DENND1A: variants seen among roughly 807,000 people sequenced by gnomAD.
DENND1A encodes DENN domain containing 1A.
DENND1A carries 51 observed loss-of-function variants against 113.7 expected under a neutral mutation model. That is an observed-to-expected ratio of 0.45 (90% CI 0.36 to 0.57). The LOEUF is 0.57. Among genes scored for constraint, DENND1A ranks in the 20% least tolerant of loss-of-function variants. The pLI is 0.00. For missense variants in DENND1A, 1,258 were observed against 1,395.9 expected (o/e 0.90, Z 1.57); for synonymous variants, 565 against 570.8 (o/e 0.99, Z 0.14).
At chr9:123,545,345 G>A (rs1171376457) in intron 13 of DENND1A, among the ~76,000 whole-genome samples, 3 of 151,984 alleles carry the variant, frequency 2.0e-5, no homozygotes, top group African/African-American at 7.3e-5. Flanking sequence ...CTGAGGGTGG[G>A]GATGAAATCA....
At chr9:123,802,371 T>C (rs1175557606) in intron 2 of DENND1A, among the ~76,000 whole-genome samples, 1 of 152,112 alleles carries the variant, frequency 6.6e-6, no homozygotes, top group Admixed American at 6.5e-5. Flanking sequence ...CACCAGACCA[T>C]GCCCTCCTCC....
At chr9:123,573,113 G>C (rs1339860390) in intron 12 of DENND1A, among the ~76,000 whole-genome samples, 1 of 152,012 alleles carries the variant, frequency 6.6e-6, no homozygotes, top group Non-Finnish European at 1.5e-5. Flanking sequence ...CTTATGTGTA[G>C]GTCTAATTCT....
At chr9:123,432,937 G>T (rs1191148052) in intron 19 of DENND1A, among the ~76,000 whole-genome samples, 1 of 152,346 alleles carries the variant, frequency 6.6e-6, no homozygotes, top group African/African-American at 2.4e-5. Flanking sequence ...ACACAGGTCA[G>T]TTGCCATGTG....
chr9:123,662,578 G>A (rs1005803788), intron 8 of DENND1A, among the ~76,000 whole-genome samples: 8 of 152,100 alleles, frequency 5.3e-5, no homozygotes, highest in Admixed American at 3.3e-4. Context: ...GAAGAAGAGA[G>A]TTATTTTTAG....
intron 13 of DENND1A, among the ~76,000 whole-genome samples, chr9:123,537,816 A>G (rs1339219736): frequency 3.3e-5 from 5 of 152,242 alleles, no homozygotes. Context: ...ATCCAGCAAA[A>G]CTGACTTACA....
Position 123,898,876 on chromosome 9 carries a change from T to C in DENND1A, c.18-19855A>G, listed in dbSNP as rs142673720. The stretch of plus-strand genomic sequence containing the variant: ...CATGGAAGGTATCAAAGGTAATTCC[T>C]AGATTTCTGCTTTAGATGAATGAAT... On this transcript the variant is annotated intron_variant, in intron 1 of 23. Transcript: ENST00000394215. Among the ~76,000 whole-genome samples the C allele has an allele frequency of 6.2e-3, 946 of 152,342 alleles. 11 individuals carry two copies. Among genetic ancestry groups the C allele is most frequent in the African/African-American group, 0.022 (905 of 41,568 alleles).
chr9:123,430,064 G>A (rs536772559), intron 19 of DENND1A, among the ~76,000 whole-genome samples: 2 of 152,240 alleles, frequency 1.3e-5, no homozygotes, highest in South Asian at 4.1e-4. Context: ...AGACATTCAC[G>A]TGGCCAATGA....
rs190163558 is a variant in DENND1A, at chr9:123,690,499, A to G, written c.303-13710T>C. On this transcript the variant is annotated intron_variant, in intron 5 of 23. Transcript: ENST00000394215. ...ATTATATATTCATTAAAATCAGACT[A>G]TAGAAGAATACTTAACATGGAAAAA... 5.4e-3 allele frequency among the ~76,000 whole-genome samples: 824 copies of G among 152,360 alleles called. 5 individuals carry two copies. Among genetic ancestry groups the G allele is most frequent in the Middle Eastern group, 0.014 (4 of 294 alleles).
chr9:123,730,424 C>A (rs1028617740), intron 5 of DENND1A, among the ~76,000 whole-genome samples: 1 of 151,990 alleles, frequency 6.6e-6, no homozygotes, highest in African/African-American at 2.4e-5. Flanking sequence ...AAACAAACAA[C>A]CCCATCAAAA....
intron 20 of DENND1A, among the ~76,000 whole-genome samples, chr9:123,408,952 G>A (rs1307932894): frequency 6.6e-6 from 1 of 152,238 alleles, no homozygotes; most frequent in East Asian, 1.9e-4. Context: ...AATTCTGAGA[G>A]CTACCTGCTG....
At chr9:123,475,657 C>T (rs1314594413) in intron 13 of DENND1A, among the ~76,000 whole-genome samples, 1 of 152,220 alleles carries the variant, frequency 6.6e-6, no homozygotes, top group Non-Finnish European at 1.5e-5. Context: ...TGGGGGTTCC[C>T]GCTGCTGCAC....
At chr9:123,775,712 C>A (rs569451440) in intron 3 of DENND1A, among the ~76,000 whole-genome samples, 2 of 152,264 alleles carry the variant, frequency 1.3e-5, no homozygotes, top group South Asian at 4.1e-4. Flanking sequence ...CTTAATTGTG[C>A]CTCTATTTCT....
chr9:123,814,500 G>T (rs970533908), intron 2 of DENND1A, among the ~76,000 whole-genome samples: 24 of 152,008 alleles, frequency 1.6e-4, no homozygotes, highest in African/African-American at 5.8e-4. Flanking sequence ...AAACAAAAAA[G>T]GTACTCTTTG....
At position 123,797,547 on chromosome 9, in the gene DENND1A, C is replaced by T. The variant is rs564566489; in HGVS notation, c.89-4917G>A. 4.6e-5 allele frequency among the ~76,000 whole-genome samples: 7 copies of T among 152,012 alleles called. 1 individual carries two copies. Among genetic ancestry groups the T allele is most frequent in the African/African-American group, 9.6e-5 (4 of 41,462 alleles). ...AATTAAAGTTTCTTGATAAGATGAC[C>T]GCAAACTGGACTGCATTAAATATAG... On this transcript the variant is annotated intron_variant, in intron 2 of 23. Transcript: ENST00000394215.
At chr9:123,884,776 G>A (rs750265574) in intron 1 of DENND1A, among the ~76,000 whole-genome samples, 3 of 152,064 alleles carry the variant, frequency 2.0e-5, no homozygotes, top group Non-Finnish European at 2.9e-5. Flanking sequence ...AGCTCACAGA[G>A]AATAAATTGG....
At chr9:123,734,191 T>C (rs146970895) in intron 5 of DENND1A, among the ~76,000 whole-genome samples, 34 of 152,302 alleles carry the variant, frequency 2.2e-4, no homozygotes, top group South Asian at 1.2e-3. Flanking sequence ...ATTCATATTT[T>C]AGCAAGATAA....
At chr9:123,918,055 A>G (rs1855503486) in intron 1 of DENND1A, among the ~76,000 whole-genome samples, 1 of 151,522 alleles carries the variant, frequency 6.6e-6, no homozygotes, top group Non-Finnish European at 1.5e-5. Context: ...CAGAGCTTGC[A>G]GTGAGCCAAG....
intron 16 of DENND1A, among the ~76,000 whole-genome samples, 192 bp from the exon 17 acceptor site, chr9:123,452,539 T>TGTGG (rs1171144293): frequency 8.6e-4 from 41 of 47,796 alleles, no homozygotes; most frequent in African/African-American, 2.9e-3. Context: ...CGGTGGGAGC[T>TGTGG]GTGGGTGGGT....
intron 11 of DENND1A, among the ~76,000 whole-genome samples, chr9:123,607,051 AACC>A (rs1442918431): frequency 5.3e-5 from 8 of 152,178 alleles, no homozygotes; most frequent in African/African-American, 1.9e-4. Flanking sequence ...GACTGTGCAG[AACC>A]CAGGGACTGT....
Sources: allele counts gnomAD v4.1 joint callset (sites outside exome capture counted in the v4.1 genomes callset), GRCh38; gene constraint gnomAD v4.1.1; transcripts MANE v1.5; gene names NCBI Gene and HGNC (gene_info 2026-07-23, HGNC 2026-07-21).